The following CADM2 variants were observed in gnomAD, a reference collection of about 807,000 sequenced individuals.
CADM2 encodes the protein immunoglobulin superfamily member 4D.
In CADM2, 12 loss-of-function variants were observed where a neutral mutation model predicts 49.8. The ratio of observed to expected loss-of-function variants is 0.24; its 90% CI spans 0.15 to 0.39. The LOEUF (loss-of-function observed/expected upper bound fraction) is 0.39. Ranked by LOEUF, CADM2 falls within the 10% of genes least tolerant of loss-of-function variation. CADM2 has a pLI of 1.00. For synonymous variants in CADM2, 214 were observed against 175.4 expected (o/e 1.22, Z -1.74); for missense variants, 378 against 492.3 (o/e 0.77, Z 2.20).
At chr3:85,412,917 G>A (rs1026745341) in intron 1 of CADM2, among the ~76,000 whole-genome samples, 5 of 151,278 alleles carry the variant, frequency 3.3e-5, no homozygotes, top group Non-Finnish European at 7.4e-5. Context: ...CGAGGCGGGC[G>A]GATCACGAGG....
intron 2 of CADM2, among the ~76,000 whole-genome samples, chr3:85,764,002 A>G (rs997395974): frequency 4.6e-5 from 7 of 152,122 alleles, no homozygotes; most frequent in Admixed American, 3.9e-4. Flanking sequence ...ATTTGGTACG[A>G]TTTTATAATT....
chr3:85,930,653 T>C (rs545443910), intron 6 of CADM2, among the ~76,000 whole-genome samples: 1 of 152,140 alleles, frequency 6.6e-6, no homozygotes, highest in East Asian at 1.9e-4. Context: ...TCTCTATGAT[T>C]ACGAGTTGAA....
At chr3:85,248,331 G>A (rs560469776) in intron 1 of CADM2, among the ~76,000 whole-genome samples, 2 of 151,862 alleles carry the variant, frequency 1.3e-5, no homozygotes, top group East Asian at 3.9e-4. Context: ...CTGGAGTGAA[G>A]TGGCCTGATC....
intron 8 of CADM2, among the ~76,000 whole-genome samples, chr3:86,046,910 C>T (rs1325249225): frequency 6.6e-6 from 1 of 151,550 alleles, no homozygotes; most frequent in Non-Finnish European, 1.5e-5. Context: ...AAAAAATTTC[C>T]TTATTTCTCA....
In CADM2 at chr3:85,769,156, CATATATAGTAT is replaced by C. The variant is rs1559643710; in HGVS notation, c.89-32885_89-32875del. 1.4e-3 allele frequency among the ~76,000 whole-genome samples: 99 copies of C among 72,406 alleles called. 2 individuals carry two copies. The highest frequency in any genetic ancestry group is 3.4e-3 in the African/African-American group (48 of 14,250). The allele number at this position is 72,406 out of a possible 152,430, so 47.5% of individuals were successfully genotyped here. On this transcript the variant is annotated intron_variant, in intron 2 of 9. Coordinates refer to ENST00000383699, the MANE Select transcript of CADM2 (RefSeq NM_001167675.2). ...TATATAGTATATATACACATATATA[CATATATAGTAT>C]ATATACACATATATACATATATAGT...
chr3:85,195,130 G>A (rs372556425), intron 1 of CADM2, among the ~76,000 whole-genome samples: 16 of 152,140 alleles, frequency 1.1e-4, no homozygotes, highest in African/African-American at 3.1e-4. Flanking sequence ...ATATACAAGG[G>A]TTCATGCCCA....
intron 1 of CADM2, among the ~76,000 whole-genome samples, chr3:84,984,975 T>C (rs1326798858): frequency 1.3e-5 from 2 of 152,136 alleles, no homozygotes; most frequent in Non-Finnish European, 2.9e-5. Context: ...CTTTAATAGG[T>C]AATAAGATTG....
At chr3:85,025,814 C>T (rs375583851) in intron 1 of CADM2, among the ~76,000 whole-genome samples, 1 of 143,330 alleles carries the variant, frequency 7.0e-6, no homozygotes, top group Admixed American at 7.0e-5. Context: ...TATCATGTTT[C>T]AAAAAAAAAA....
rs2033150679 is a variant in CADM2 at position 84,995,767 on chromosome 3, A to ATTGTTTCCACAACTGGCTTTTTAGCTTG, written c.61+36133_61+36160dup. On this transcript the variant is annotated intron_variant, in intron 1 of 9. Coordinates refer to ENST00000383699, the MANE Select transcript of CADM2 (RefSeq NM_001167675.2). ...CAGTATTTGATCATTCCTCTAGCTT[A>ATTGTTTCCACAACTGGCTTTTTAGCTTG]TTGTTTCCACAACTGGCTTTTTAGC... Among the ~76,000 whole-genome samples, 8 of 152,200 alleles carry ATTGTTTCCACAACTGGCTTTTTAGCTTG rather than the reference A, an allele frequency of 5.3e-5. 1 individual carries two copies. The South Asian group carries it at 8.3e-4, about 16-fold the overall frequency.
At chr3:85,869,739 A>G in intron 3 of CADM2, among the ~76,000 whole-genome samples, 1 of 152,210 alleles carries the variant, frequency 6.6e-6, no homozygotes, top group Non-Finnish European at 1.5e-5. Context: ...GCTCACGGCA[A>G]GCTCTGCATC....
chr3:85,704,869 T>G (rs114517674), intron 1 of CADM2, among the ~76,000 whole-genome samples: 3 of 149,478 alleles, frequency 2.0e-5, no homozygotes. Flanking sequence ...TATTATTATT[T>G]TTTTTTTTTG....
intron 1 of CADM2, among the ~76,000 whole-genome samples, chr3:85,689,338 A>G (rs552327345): frequency 2.0e-4 from 31 of 152,338 alleles, no homozygotes; most frequent in Admixed American, 5.2e-4. Context: ...CTATGAAGCT[A>G]TTTCTTTTAA....
intron 2 of CADM2, among the ~76,000 whole-genome samples, chr3:85,768,600 A>C (rs2069802956): frequency 6.7e-6 from 1 of 149,010 alleles, no homozygotes; most frequent in South Asian, 2.1e-4. Context: ...TAACATTCAT[A>C]GTAAAAAATC....
intron 1 of CADM2, among the ~76,000 whole-genome samples, chr3:85,701,322 A>G (rs189382521): frequency 2.0e-5 from 3 of 152,286 alleles, no homozygotes; most frequent in Non-Finnish European, 4.4e-5. Context: ...TTACATTACA[A>G]CATGAGATTT....
chr3:85,121,076 T>C (rs914050658), intron 1 of CADM2, among the ~76,000 whole-genome samples: 1 of 152,136 alleles, frequency 6.6e-6, no homozygotes, highest in Non-Finnish European at 1.5e-5. Context: ...CTGCCTTGAT[T>C]ATGTCTTCAG....
chr3:85,786,305 A>T (rs2108013548), intron 2 of CADM2, among the ~76,000 whole-genome samples: 1 of 152,292 alleles, frequency 6.6e-6, no homozygotes, highest in South Asian at 2.1e-4. Flanking sequence ...TTGCTTTATC[A>T]GAAGTATAAT....
chr3:85,708,899 GGTTT>G (rs1201257894), intron 1 of CADM2, among the ~76,000 whole-genome samples: 1 of 151,632 alleles, frequency 6.6e-6, no homozygotes, highest in Non-Finnish European at 1.5e-5. Context: ...TCAGATTATG[GGTTT>G]GTTAAACAGA....
At chr3:85,031,568 G>T (rs1002358299) in intron 1 of CADM2, among the ~76,000 whole-genome samples, 7 of 152,142 alleles carry the variant, frequency 4.6e-5, no homozygotes, top group Non-Finnish European at 8.8e-5. Context: ...GGGCTGGAGT[G>T]CAGTGGCGCG....
chr3:85,959,268 A>G (rs374009334), intron 7 of CADM2, among the ~76,000 whole-genome samples: 1 of 151,708 alleles, frequency 6.6e-6, no homozygotes, highest in East Asian at 2.0e-4. Flanking sequence ...CTCTCCTGGC[A>G]TGCTTCCATC....
Sources: gnomAD v4.1 joint callset for allele counts (sites outside exome capture counted in the v4.1 genomes callset) on GRCh38, gnomAD v4.1.1 for gene constraint, MANE v1.5 for transcripts, NCBI Gene and HGNC (gene_info 2026-07-23, HGNC 2026-07-21) for gene names.